The following TMEM232 variants were observed in gnomAD, a reference collection of about 807,000 sequenced individuals.
TMEM232 encodes the protein transmembrane protein 232.
In TMEM232, 80 loss-of-function variants were observed where a neutral mutation model predicts 78.8. The observed-to-expected ratio is 1.01, with a 90% CI of 0.85 to 1.22. The LOEUF is 1.22. Among genes scored for constraint, TMEM232 ranks in the 50% most tolerant of loss-of-function variants. The probability of loss-of-function intolerance (pLI) is 0.00; values close to 1 mark genes in which losing one functional copy is unlikely to be tolerated. For synonymous variants in TMEM232, 297 were observed against 254.3 expected (o/e 1.17, Z -1.60); for missense variants, 881 against 742.2 (o/e 1.19, Z -2.17).
At chr5:110,528,858 A>C (rs1416239664) in intron 11 of TMEM232, 23 bp from the exon 12 acceptor site, 1 of 1,398,252 alleles carries the variant, frequency 7.2e-7, no homozygotes. Context: ...AAGAGAAAGG[A>C]ATCAGTTGAA....
At chr5:110,440,013 GAC>G (rs1472723215) in intron 12 of TMEM232, among the ~76,000 whole-genome samples, 2 of 152,128 alleles carry the variant, frequency 1.3e-5, no homozygotes, top group East Asian at 3.9e-4. Context: ...CATGCCAAAT[GAC>G]ACAGTAAAAT....
chr5:110,696,865 A>C (rs460951), intron 1 of TMEM232, among the ~76,000 whole-genome samples: 88,013 of 151,946 alleles, frequency 0.58, 31,086 homozygotes, highest in Non-Finnish European at 0.78. Flanking sequence ...GAAGATGGCC[A>C]TACTGCCCCA....
intron 12 of TMEM232, among the ~76,000 whole-genome samples, chr5:110,484,054 T>C (rs372102255): frequency 2.0e-5 from 3 of 152,152 alleles, no homozygotes; most frequent in Admixed American, 2.0e-4. Flanking sequence ...TGAATTAACA[T>C]AGGAACAGAA....
At chr5:110,552,338 G>A (rs1300239666) in intron 11 of TMEM232, among the ~76,000 whole-genome samples, 1 of 151,808 alleles carries the variant, frequency 6.6e-6, no homozygotes, top group Admixed American at 6.6e-5. Context: ...AAGAAAATAA[G>A]GCTTTCTGAA....
chr5:110,719,305 G>T (rs72773179), intron 1 of TMEM232, among the ~76,000 whole-genome samples: 12,998 of 151,822 alleles, frequency 0.086, 583 homozygotes, highest in Admixed American at 0.12. Context: ...ATATAATTAT[G>T]CATGTGTGTA....
intron 10 of TMEM232, among the ~76,000 whole-genome samples, chr5:110,571,582 G>A (rs1270057868): frequency 6.6e-6 from 1 of 152,030 alleles, no homozygotes; most frequent in Non-Finnish European, 1.5e-5. Context: ...CACTTGGAGA[G>A]GCTGAGGCAG....
At chr5:110,456,605 A>C (rs1760929749) in intron 12 of TMEM232, among the ~76,000 whole-genome samples, 1 of 152,124 alleles carries the variant, frequency 6.6e-6, no homozygotes, top group Admixed American at 6.5e-5. Context: ...AAAAAATAAA[A>C]ATACTATCTG....
At chr5:110,620,577 A>ATCTCTCTATCTCTCTCTCTCTC (rs1783510315) in intron 7 of TMEM232, among the ~76,000 whole-genome samples, 9 of 43,136 alleles carry the variant, frequency 2.1e-4, no homozygotes, top group African/African-American at 5.2e-4. Flanking sequence ...TGTCTCTCAT[A>ATCTCTCTATCTCTCTCTCTCTC]TCTCTCTCTC....
intron 12 of TMEM232, among the ~76,000 whole-genome samples, chr5:110,464,574 T>C (rs190053947): frequency 1.3e-5 from 2 of 152,310 alleles, no homozygotes; most frequent in Admixed American, 1.3e-4. Flanking sequence ...ACTTTTAAGC[T>C]CAAATTTATT....
At chr5:110,411,031 A>G (rs1755977128) in intron 2 of TMEM232, among the ~76,000 whole-genome samples, 1 of 152,048 alleles carries the variant, frequency 6.6e-6, no homozygotes, top group South Asian at 2.1e-4. Context: ...TGGATAGGGG[A>G]TGAGAAGTAT....
intron 10 of TMEM232, among the ~76,000 whole-genome samples, chr5:110,570,876 C>T (rs1776864842): frequency 6.6e-6 from 1 of 151,924 alleles, no homozygotes. Flanking sequence ...TCTAATATGA[C>T]ATCATTTTGG....
intron 12 of TMEM232, among the ~76,000 whole-genome samples, chr5:110,442,246 ACT>A (rs138780974): frequency 0.023 from 3,459 of 151,934 alleles, 125 homozygotes; most frequent in African/African-American, 0.079. Flanking sequence ...AAGGCCAATA[ACT>A]CTTAGATTTC....
At chr5:110,471,490 G>A (rs886908338) in intron 12 of TMEM232, among the ~76,000 whole-genome samples, 1 of 151,962 alleles carries the variant, frequency 6.6e-6, no homozygotes, top group African/African-American at 2.4e-5. Flanking sequence ...ACAATGAGAG[G>A]ATTTTAAAGA....
At chr5:110,668,811 A>T (rs1790957689) in intron 1 of TMEM232, among the ~76,000 whole-genome samples, 1 of 152,174 alleles carries the variant, frequency 6.6e-6, no homozygotes, top group Non-Finnish European at 1.5e-5. Flanking sequence ...ACTAGAACTC[A>T]GGATTAAGAA....
At chr5:110,557,791 CA>C (rs1213910242) in intron 11 of TMEM232, among the ~76,000 whole-genome samples, 2 of 152,124 alleles carry the variant, frequency 1.3e-5, no homozygotes, top group Non-Finnish European at 2.9e-5. Context: ...CCCCAGGCCC[CA>C]TATCTAGCAC....
In TMEM232 at chr5:110,605,382, G is replaced by T. The variant is rs961374086; in HGVS notation, c.1027-24C>A. The T allele has an allele frequency of 3.9e-6, 6 of 1,533,968 alleles. No individual in the cohort carries two copies. In the African/African-American group the frequency reaches 5.5e-5, roughly 14 times the overall value. On this transcript the variant is annotated intron_variant, in intron 9 of 13. Coordinates refer to ENST00000455884, the MANE Select transcript of TMEM232 (RefSeq NM_001039763.4). ...TCCTGAAATGAGAAAATAGATATTT[G>T]ATCATCAAAGTATATCTTTGCATAT...
chr5:110,728,695 C>G (rs896061029), upstream of TMEM232, among the ~76,000 whole-genome samples: 1 of 149,976 alleles, frequency 6.7e-6, no homozygotes, highest in Non-Finnish European at 1.5e-5. Flanking sequence ...CTAATTTTTT[C>G]AAATTATTAT....
At chr5:110,471,963 C>T (rs1177179550) in intron 12 of TMEM232, among the ~76,000 whole-genome samples, 1 of 151,968 alleles carries the variant, frequency 6.6e-6, no homozygotes, top group Admixed American at 6.6e-5. Context: ...CTATGAACAA[C>T]TATACACCTA....
upstream of TMEM232, among the ~76,000 whole-genome samples, chr5:110,738,458 C>T (rs117918973): frequency 6.6e-6 from 1 of 152,148 alleles, no homozygotes; most frequent in Non-Finnish European, 1.5e-5. Flanking sequence ...GGGTTTCTTT[C>T]ACCCCCGACG....
Sources: gnomAD v4.1 joint callset for allele counts (sites outside exome capture counted in the v4.1 genomes callset) on GRCh38, gnomAD v4.1.1 for gene constraint, MANE v1.5 for transcripts, NCBI Gene and HGNC (gene_info 2026-07-23, HGNC 2026-07-21) for gene names.